UNC80: variants seen among roughly 807,000 people sequenced by gnomAD.
The protein encoded by UNC80 is protein unc-80 homolog.
A neutral mutation model predicts 384.6 loss-of-function variants in UNC80; 164 were observed. The observed-to-expected ratio is 0.43, with a 90% CI of 0.38 to 0.49. The LOEUF (loss-of-function observed/expected upper bound fraction) is 0.49, where lower values mean the gene tolerates loss of function less well. Among genes scored for constraint, UNC80 ranks in the 20% least tolerant of loss-of-function variants. The pLI is 0.00. For missense variants in UNC80, 3,330 were observed against 4,143.0 expected (o/e 0.80, Z 5.39); for synonymous variants, 1,486 against 1,527.8 (o/e 0.97, Z 0.64).
intron 28 of UNC80, among the ~76,000 whole-genome samples, 172 bp from the exon 29 acceptor site, chr2:209,904,593 C>T (rs145934306): frequency 1.1e-3 from 160 of 152,272 alleles, no homozygotes; most frequent in Middle Eastern, 3.4e-3. Flanking sequence ...GAACAAAAGG[C>T]CATGTGGATA....
In UNC80 at chr2:209,921,655, A is replaced by G. The variant is rs77584629; in HGVS notation, c.5499A>G (p.Thr1833=). 3.5e-5 allele frequency: 55 copies of G among 1,551,294 alleles called. No individual in the cohort carries two copies. In the South Asian group the frequency reaches 4.0e-4, roughly 11 times the overall value. Residue 1833 remains threonine, a synonymous_variant, in exon 34 of 65, where the codon ACA becomes ACG. Transcript: ENST00000673920. ...CCCAGGAGGCTTGCTATGAGCCCAC[A>G]TGCACGCCCAACTCAGAACCGGAAG... ...PITQEACYEP[T]CTPNSEPEEE...
intron 30 of UNC80, 89 bp downstream of exon 30, chr2:209,912,756 A>G (rs2089093018): frequency 2.3e-6 from 2 of 874,944 alleles, no homozygotes; most frequent in African/African-American, 3.4e-5. Flanking sequence ...GGGACATACA[A>G]CATCAGTTGG....
At chr2:209,833,296 A>G (rs886275635) in intron 16 of UNC80, among the ~76,000 whole-genome samples, 1 of 147,340 alleles carries the variant, frequency 6.8e-6, no homozygotes, top group South Asian at 2.1e-4. Context: ...AAAAAAAAAA[A>G]TACAGTAACT....
At chr2:209,793,998 ATAAT>A in intron 7 of UNC80, 139 bp downstream of exon 7, 1 of 1,017,454 alleles carries the variant, frequency 9.8e-7, no homozygotes, top group Non-Finnish European at 1.4e-6. Flanking sequence ...TGGTCAAAGT[ATAAT>A]TAATAATTGT....
intron 26 of UNC80, 96 bp from the exon 27 acceptor site, chr2:209,894,067 A>G: frequency 1.2e-6 from 1 of 827,264 alleles, no homozygotes; most frequent in Non-Finnish European, 1.5e-6. Context: ...AGGCCAGCAG[A>G]GGAGGCTGAT....
Position 209,969,113 on chromosome 2 carries a change from T to C in UNC80, c.8007-655T>C, listed in dbSNP as rs2092812124. On this transcript the variant is annotated intron_variant, in intron 52 of 64. Transcript: ENST00000673920. ...ATCAGTAAAGCCCAAGCTGTTTATT[T>C]TGGGGCCACAGGGATGAATCAGTAC... 2.0e-5 allele frequency: 3 copies of C among 152,198 alleles called. No individual in the cohort carries two copies. The South Asian group carries it at 6.2e-4, about 32-fold the overall frequency. The allele number at this position is 152,198 out of a possible 1,614,324, so 9.4% of individuals were successfully genotyped here.
Position 209,999,032 on chromosome 2 carries a change from C to A in UNC80, c.*3437C>A, listed in dbSNP as rs1218183682. Reference sequence around the variant, plus strand: ...TCATTTAGGATTACAGATCAATTTACCTCCATAAATCTTTGAATTGTCACT... The same window carrying A: ...TCATTTAGGATTACAGATCAATTTAACTCCATAAATCTTTGAATTGTCACT... On this transcript the variant is annotated 3_prime_UTR_variant, in exon 65 of 65. Coordinates refer to ENST00000673920, the MANE Select transcript of UNC80 (RefSeq NM_001371986.1). 1 of 152,186 alleles carries A rather than the reference C, an allele frequency of 6.6e-6. No homozygotes were observed. The highest frequency in any genetic ancestry group is 1.9e-4 in the East Asian group (1 of 5,196). 9.4% of individuals were successfully genotyped at this position (152,186 alleles called of 1,614,324 possible). A position where few individuals can be genotyped will look rare whatever the true frequency, so the allele number is the denominator to read the frequency against.
chr2:209,952,773 C>T (rs531438229), intron 47 of UNC80, among the ~76,000 whole-genome samples: 17 of 152,298 alleles, frequency 1.1e-4, no homozygotes, highest in African/African-American at 4.1e-4. Flanking sequence ...GACAATTAGT[C>T]TGCAGCAAGG....
chr2:209,859,528 T>C (rs1441106128), intron 22 of UNC80, among the ~76,000 whole-genome samples: 1 of 152,240 alleles, frequency 6.6e-6, no homozygotes, highest in Non-Finnish European at 1.5e-5. Flanking sequence ...GAATGATTTA[T>C]ATTCCTTTGG....
chr2:209,810,110 T>C (rs2079226537), intron 7 of UNC80, among the ~76,000 whole-genome samples: 1 of 152,140 alleles, frequency 6.6e-6, no homozygotes, highest in African/African-American at 2.4e-5. Context: ...GAGCCTAAGA[T>C]GCTCTGGGCC....
chr2:209,933,438 A>C (rs1160779716), intron 38 of UNC80, among the ~76,000 whole-genome samples: 5 of 151,882 alleles, frequency 3.3e-5, no homozygotes, highest in Admixed American at 3.3e-4. Context: ...TTAGCCAAGC[A>C]GTGTGCTCTT....
intron 29 of UNC80, among the ~76,000 whole-genome samples, chr2:209,911,192 G>T (rs1243909304): frequency 2.7e-5 from 4 of 150,546 alleles, no homozygotes; most frequent in South Asian, 2.1e-4. Flanking sequence ...AAACAGAGAG[G>T]TGCCAGTTTT....
rs1192802954 is a variant in UNC80, at chr2:209,776,107, T to A, written c.298+62T>A. 1.9e-6 allele frequency: 3 copies of A among 1,602,322 alleles called. No homozygotes were observed. The African/African-American group carries it at 4.0e-5, about 21-fold the overall frequency. On this transcript the variant is annotated intron_variant, in intron 3 of 64. Coordinates refer to ENST00000673920, the MANE Select transcript of UNC80 (RefSeq NM_001371986.1). The stretch of plus-strand genomic sequence containing the variant: ...TGCCCTTTGTGTTCAACACTCATCA[T>A]AATAACCTGTACTGAGTAGTTTCTG...
Position 209,992,243 on chromosome 2 carries a change from G to A in UNC80, c.9392G>A (p.Arg3131Lys), listed in dbSNP as rs2093405664. Residue 3131 changes from arginine (R) to lysine (K), a missense_variant, in exon 62 of 65, where the codon AGG (arginine) becomes AAG (lysine). Around this residue, in one of 8 missense-constraint regions of UNC80, gnomAD observed 236 missense variants for 254.9 expected, o/e 0.93. Transcript: ENST00000673920. Reference sequence around the variant, plus strand: ...CCGCTGGGGAGGAAGAGGGGCCTGAGGCAGGTAAGTAGACCCTTAAAGCGC... The same window carrying A: ...CCGCTGGGGAGGAAGAGGGGCCTGAAGCAGGTAAGTAGACCCTTAAAGCGC... Reference protein sequence around the residue: ...QQPLGRKRGLRQLRRPLLSRQ... With the variant: ...QQPLGRKRGLKQLRRPLLSRQ... 2 of 1,551,482 alleles carry A rather than the reference G, an allele frequency of 1.3e-6. No individual in the cohort carries two copies. The highest frequency in any genetic ancestry group is 1.7e-6 in the Non-Finnish European group (2 of 1,146,876).
intron 16 of UNC80, 109 bp from the exon 17 acceptor site, chr2:209,833,893 C>A (rs2081169985): frequency 6.5e-6 from 7 of 1,069,952 alleles, no homozygotes; most frequent in African/African-American, 1.6e-5. Context: ...CTTAATGATT[C>A]CAATGCTCAT....
chr2:209,901,014 A>C (rs1169624738), intron 28 of UNC80, among the ~76,000 whole-genome samples: 1 of 152,218 alleles, frequency 6.6e-6, no homozygotes, highest in Non-Finnish European at 1.5e-5. Flanking sequence ...GAAAGAAAGA[A>C]GCCATCTCCA....
At chr2:209,871,896 A>G (rs1269542748) in intron 22 of UNC80, among the ~76,000 whole-genome samples, 2 of 150,998 alleles carry the variant, frequency 1.3e-5, no homozygotes, top group African/African-American at 4.9e-5. Context: ...TTATCAATTA[A>G]TCTCCTCTTT....
At chr2:209,991,921 G>C (rs922418956) in intron 61 of UNC80, among the ~76,000 whole-genome samples, 3 of 152,156 alleles carry the variant, frequency 2.0e-5, no homozygotes, top group Non-Finnish European at 4.4e-5. Context: ...AATGTTTTCT[G>C]AATGATAGAT....
At chr2:209,775,796 G>C in intron 2 of UNC80, 93 bp from the exon 3 acceptor site, 5 of 1,336,934 alleles carry the variant, frequency 3.7e-6, no homozygotes, top group Non-Finnish European at 5.1e-6. Flanking sequence ...GTACCTTGCT[G>C]TTCATTTTTT....
Sources: allele counts gnomAD v4.1 joint callset (sites outside exome capture counted in the v4.1 genomes callset), GRCh38; gene constraint gnomAD v4.1.1; regional missense constraint gnomAD v4.1.1; transcripts MANE v1.5; gene names NCBI Gene and HGNC (gene_info 2026-07-23, HGNC 2026-07-21).